Variants in SLC25A51 observed in about 807,000 individuals in gnomAD.
SLC25A51 encodes the protein mitochondrial nicotinamide adenine dinucleotide transporter SLC25A51.
Under a neutral mutation model 19.1 loss-of-function variants are expected in SLC25A51, and 11 were observed. The ratio of observed to expected loss-of-function variants is 0.58; its 90% CI spans 0.36 to 0.96. The LOEUF is 0.96. SLC25A51 is among the 40% of genes least tolerant of loss of function. The probability of loss-of-function intolerance (pLI) is 0.01; values close to 1 mark genes in which losing one functional copy is unlikely to be tolerated. For synonymous variants in SLC25A51, 105 were observed against 133.6 expected, an observed-to-expected ratio of 0.79 and a Z score of 1.47; for missense variants, 201 against 365.4, an observed-to-expected ratio of 0.55 and a Z score of 3.67.
At chr9:37,903,295 CAG>C (rs1458771590) in intron 1 of SLC25A51, among the ~76,000 whole-genome samples, 1 of 152,124 alleles carries the variant, frequency 6.6e-6, no homozygotes, top group Non-Finnish European at 1.5e-5. Context: ...TAGAGAAAAA[CAG>C]AAGGTGGGAA....
At chr9:37,897,224 AT>A (rs1169052438) in intron 2 of SLC25A51, among the ~76,000 whole-genome samples, 1 of 151,534 alleles carries the variant, frequency 6.6e-6, no homozygotes, top group African/African-American at 2.4e-5. Context: ...AAATTTTTAA[AT>A]TTTTTTTCTT....
chr9:37,885,611 C>T, downstream of SLC25A51: 1 of 752,534 alleles, frequency 1.3e-6, no homozygotes. Context: ...CTCTTTTTGG[C>T]AACAATAATA....
intron 1 of SLC25A51, chr9:37,903,498 A>G (rs1831900167): frequency 6.6e-6 from 1 of 152,260 alleles, no homozygotes; most frequent in Non-Finnish European, 1.5e-5. Context: ...CTGTCGCAGA[A>G]CAAGCACTGC....
downstream of SLC25A51, chr9:37,886,049 T>G: frequency 6.2e-7 from 1 of 1,611,240 alleles, no homozygotes; most frequent in Non-Finnish European, 8.5e-7. Flanking sequence ...CTCCCTTAAG[T>G]ACAACTGTAC....
At chr9:37,902,065 C>G (rs760341770) in intron 1 of SLC25A51, among the ~76,000 whole-genome samples, 2 of 152,046 alleles carry the variant, frequency 1.3e-5, no homozygotes, top group Non-Finnish European at 2.9e-5. Flanking sequence ...ATGTCAAAAC[C>G]ATTTTATTTT....
intron 2 of SLC25A51, among the ~76,000 whole-genome samples, chr9:37,889,985 T>C (rs577736045): frequency 2.0e-5 from 3 of 151,828 alleles, no homozygotes; most frequent in African/African-American, 4.8e-5. Context: ...TAGAAATATA[T>C]AGAAACTTCT....
chr9:37,891,306 T>A (rs1224835321), intron 2 of SLC25A51, among the ~76,000 whole-genome samples: 3 of 151,994 alleles, frequency 2.0e-5, no homozygotes, highest in Non-Finnish European at 4.4e-5. Context: ...GGCAGCCCCT[T>A]CTGGGAAGTG....
chr9:37,884,403 T>C (rs1831407231), downstream of SLC25A51, among the ~76,000 whole-genome samples: 1 of 152,236 alleles, frequency 6.6e-6, no homozygotes, highest in Non-Finnish European at 1.5e-5. Flanking sequence ...AACTATCTTA[T>C]TGTTTTACTG....
At chr9:37,901,665 A>T (rs1157977101) in intron 1 of SLC25A51, among the ~76,000 whole-genome samples, 1 of 152,214 alleles carries the variant, frequency 6.6e-6, no homozygotes, top group East Asian at 1.9e-4. Context: ...CAGTAAAAAT[A>T]AGATTAAAGG....
At chr9:37,877,965 G>A (rs981579935), downstream of SLC25A51, among the ~76,000 whole-genome samples, 10 of 152,078 alleles carry the variant, frequency 6.6e-5, no homozygotes, top group South Asian at 2.1e-4. Context: ...CCAAGATTGC[G>A]CCAATGCACT....
At chr9:37,898,228 T>C (rs934961282) in intron 2 of SLC25A51, among the ~76,000 whole-genome samples, 1 of 152,142 alleles carries the variant, frequency 6.6e-6, no homozygotes, top group Non-Finnish European at 1.5e-5. Flanking sequence ...CTGGCCAACA[T>C]GGCAAAACCC....
downstream of SLC25A51, among the ~76,000 whole-genome samples, chr9:37,884,268 C>CT (rs1831404153): frequency 6.6e-6 from 1 of 152,144 alleles, no homozygotes; most frequent in Non-Finnish European, 1.5e-5. Context: ...ATATTTTCAC[C>CT]TTTTCTAATT....
At chr9:37,890,583 C>A (rs957903342) in intron 2 of SLC25A51, among the ~76,000 whole-genome samples, 1 of 151,870 alleles carries the variant, frequency 6.6e-6, no homozygotes, top group African/African-American at 2.4e-5. Context: ...CGTACACCAG[C>A]TACTGGGAAG....
chr9:37,891,484 T>C (rs1237133303), intron 2 of SLC25A51, among the ~76,000 whole-genome samples: 2 of 152,182 alleles, frequency 1.3e-5, no homozygotes, highest in African/African-American at 4.8e-5. Context: ...GAAGTAGACA[T>C]AGGAGACTCC....
At chr9:37,900,137 C>T (rs1340586393) in intron 1 of SLC25A51, among the ~76,000 whole-genome samples, 187 bp from the exon 2 acceptor site, 1 of 150,786 alleles carries the variant, frequency 6.6e-6, no homozygotes, top group Non-Finnish European at 1.5e-5. Flanking sequence ...TGCTCCCAGC[C>T]TATTTTTATT....
downstream of SLC25A51, chr9:37,885,880 C>CT (rs200482049): frequency 1.8e-5 from 28 of 1,593,448 alleles, no homozygotes; most frequent in Non-Finnish European, 1.9e-5. Flanking sequence ...ACGTGCAAAC[C>CT]CCCCCCTCCC....
chr9:37,899,102 C>A (rs1228045582), intron 2 of SLC25A51, among the ~76,000 whole-genome samples: 1 of 152,196 alleles, frequency 6.6e-6, no homozygotes, highest in Non-Finnish European at 1.5e-5. Flanking sequence ...TAGACTAGCT[C>A]AATTAACTGA....
chr9:37,885,797 C>T (rs779656068), downstream of SLC25A51: 279 of 1,600,482 alleles, frequency 1.7e-4, no homozygotes, highest in African/African-American at 1.3e-4. Flanking sequence ...AAGTGGCCAA[C>T]GCAATTCTTT....
chr9:37,887,629 G>C lies in SLC25A51; in HGVS notation c.*28C>G. The C allele has an allele frequency of 6.3e-7, 1 of 1,576,496 alleles. No homozygotes were observed. The highest frequency in any genetic ancestry group is 1.2e-5 in the South Asian group (1 of 85,910). Reference sequence around the variant, plus strand: ...TTCTTCTTAGAAGGTCTATTCAGTTGATAAATGGCACTTAACTGATGGTTT... The same window carrying C: ...TTCTTCTTAGAAGGTCTATTCAGTTCATAAATGGCACTTAACTGATGGTTT... On this transcript the variant is annotated 3_prime_UTR_variant, in exon 3 of 3. Transcript: ENST00000242275.
Sources: gnomAD v4.1 joint callset for allele counts (sites outside exome capture counted in the v4.1 genomes callset) on GRCh38, gnomAD v4.1.1 for gene constraint, MANE v1.5 for transcripts, NCBI Gene and HGNC (gene_info 2026-07-23, HGNC 2026-07-21) for gene names.